Variants in NPAS3 observed in about 807,000 individuals in gnomAD.
NPAS3 encodes neuronal PAS domain protein 3.
In NPAS3, 14 loss-of-function variants were observed where a neutral mutation model predicts 73.1. The ratio of observed to expected loss-of-function variants is 0.19; its 90% CI spans 0.13 to 0.30. NPAS3 has a LOEUF of 0.30. Among genes scored for constraint, NPAS3 ranks in the 10% least tolerant of loss-of-function variants. The pLI is 1.00. For missense variants in NPAS3, 1,096 were observed against 1,250.0 expected (o/e 0.88, Z 1.86); for synonymous variants, 620 against 541.5 (o/e 1.14, Z -2.01).
intron 4 of NPAS3, among the ~76,000 whole-genome samples, chr14:33,522,356 G>A (rs1175270824): frequency 6.6e-6 from 1 of 151,870 alleles, no homozygotes; most frequent in Non-Finnish European, 1.5e-5. Context: ...ATTATTTGAA[G>A]TGCCACCGCC....
intron 4 of NPAS3, among the ~76,000 whole-genome samples, chr14:33,439,959 C>T: frequency 6.6e-6 from 1 of 151,664 alleles, no homozygotes; most frequent in East Asian, 1.9e-4. Flanking sequence ...ACTAAAAATA[C>T]AAAAAAATTA....
intron 1 of NPAS3, among the ~76,000 whole-genome samples, chr14:32,954,368 T>C (rs974645592): frequency 9.2e-5 from 14 of 152,294 alleles, no homozygotes; most frequent in South Asian, 2.1e-4. Flanking sequence ...TAAAGTTCAC[T>C]TTTTCATCTT....
At chr14:33,678,446 G>T (rs1255710873) in intron 6 of NPAS3, among the ~76,000 whole-genome samples, 1 of 151,108 alleles carries the variant, frequency 6.6e-6, no homozygotes, top group Non-Finnish European at 1.5e-5. Flanking sequence ...AGGTCAAACA[G>T]TGCTAATTCA....
chr14:33,167,301 A>G (rs2045199430), intron 2 of NPAS3, among the ~76,000 whole-genome samples: 1 of 152,190 alleles, frequency 6.6e-6, no homozygotes, highest in South Asian at 2.1e-4. Flanking sequence ...TTTTGAGGAC[A>G]TTCAAATCTC....
At chr14:33,692,603 A>C (rs1235514208) in intron 6 of NPAS3, among the ~76,000 whole-genome samples, 2 of 152,152 alleles carry the variant, frequency 1.3e-5, no homozygotes, top group Non-Finnish European at 2.9e-5. Context: ...AAAAGCTTAC[A>C]GAAAAGATTA....
At chr14:33,719,860 A>G (rs1397224937) in intron 6 of NPAS3, among the ~76,000 whole-genome samples, 4 of 152,136 alleles carry the variant, frequency 2.6e-5, no homozygotes, top group Non-Finnish European at 5.9e-5. Context: ...TTCTCAAGGT[A>G]TTTGCAAAAC....
intron 2 of NPAS3, among the ~76,000 whole-genome samples, chr14:33,142,327 T>A (rs1383597233): frequency 6.6e-6 from 1 of 151,944 alleles, no homozygotes; most frequent in African/African-American, 2.4e-5. Context: ...TTTTTAGCCT[T>A]AACTGCTATA....
chr14:33,471,203 T>C (rs747663163), intron 4 of NPAS3, among the ~76,000 whole-genome samples: 11 of 152,258 alleles, frequency 7.2e-5, no homozygotes, highest in Admixed American at 1.3e-4. Flanking sequence ...GTCTGTCGTC[T>C]GGATAGAATC....
At chr14:33,456,030 A>G (rs1183862790) in intron 4 of NPAS3, among the ~76,000 whole-genome samples, 3 of 152,188 alleles carry the variant, frequency 2.0e-5, no homozygotes, top group Non-Finnish European at 4.4e-5. Flanking sequence ...CATTTGTACT[A>G]TTACTTAGTT....
At chr14:33,117,057 A>C (rs1764824093) in intron 2 of NPAS3, among the ~76,000 whole-genome samples, 1 of 152,148 alleles carries the variant, frequency 6.6e-6, no homozygotes, top group African/African-American at 2.4e-5. Context: ...TTAGTATTAC[A>C]GCATTATTTA....
intron 6 of NPAS3, among the ~76,000 whole-genome samples, chr14:33,715,595 G>C (rs2060935824): frequency 6.6e-6 from 1 of 152,102 alleles, no homozygotes; most frequent in Non-Finnish European, 1.5e-5. Context: ...TGTTGGAATG[G>C]GCTAATGGTG....
chr14:33,107,010 G>A (rs894639913), intron 2 of NPAS3, among the ~76,000 whole-genome samples: 1 of 152,100 alleles, frequency 6.6e-6, no homozygotes, highest in African/African-American at 2.4e-5. Flanking sequence ...CCCTTTGAGT[G>A]TCACTGGCTG....
At chr14:33,513,739 T>G (rs1210871947) in intron 4 of NPAS3, among the ~76,000 whole-genome samples, 1 of 151,968 alleles carries the variant, frequency 6.6e-6, no homozygotes, top group Non-Finnish European at 1.5e-5. Flanking sequence ...TGGGCAAGTG[T>G]TTTTTTCCTT....
chr14:33,296,801 T>C (rs546171507), intron 3 of NPAS3, among the ~76,000 whole-genome samples: 1 of 152,244 alleles, frequency 6.6e-6, no homozygotes, highest in Admixed American at 6.5e-5. Context: ...TTAGTCCGGG[T>C]AAAATTATGT....
At chr14:33,224,074 A>G (rs1203048741) in intron 3 of NPAS3, among the ~76,000 whole-genome samples, 3 of 152,200 alleles carry the variant, frequency 2.0e-5, no homozygotes, top group Non-Finnish European at 4.4e-5. Flanking sequence ...TATTTTAAAA[A>G]GTCTACCAGT....
At chr14:33,288,335 C>T (rs1566761693) in intron 3 of NPAS3, among the ~76,000 whole-genome samples, 1 of 152,168 alleles carries the variant, frequency 6.6e-6, no homozygotes, top group African/African-American at 2.4e-5. Flanking sequence ...CTTTGAGCAT[C>T]TGTCTTTTCC....
chr14:33,366,804 G>A (rs895502348), intron 3 of NPAS3, among the ~76,000 whole-genome samples: 1 of 152,084 alleles, frequency 6.6e-6, no homozygotes, highest in Non-Finnish European at 1.5e-5. Context: ...GGGCGGGGTT[G>A]AGGGGAGATA....
intron 1 of NPAS3, among the ~76,000 whole-genome samples, chr14:32,955,988 G>A (rs552389194): frequency 1.3e-5 from 2 of 152,156 alleles, no homozygotes; most frequent in African/African-American, 4.8e-5. Context: ...ACAGATAATA[G>A]TTTTAGATTC....
At chr14:33,647,773 C>T (rs2140216404) in intron 5 of NPAS3, among the ~76,000 whole-genome samples, 1 of 152,220 alleles carries the variant, frequency 6.6e-6, no homozygotes, top group East Asian at 1.9e-4. Context: ...TCACATCTTG[C>T]ATGTTCCCGT....
Sources: allele counts gnomAD v4.1 joint callset (sites outside exome capture counted in the v4.1 genomes callset), GRCh38; gene constraint gnomAD v4.1.1; transcripts MANE v1.5; gene names NCBI Gene and HGNC (gene_info 2026-07-23, HGNC 2026-07-21).